The following UBQLN4 variants were observed in gnomAD, a reference collection of about 807,000 sequenced individuals.
UBQLN4 encodes the protein ubiquilin-4.
Under a neutral mutation model 60.4 loss-of-function variants are expected in UBQLN4, and 11 were observed. The ratio of observed to expected loss-of-function variants is 0.18; its 90% confidence interval spans 0.11 to 0.30. The LOEUF (loss-of-function observed/expected upper bound fraction) is 0.30, where lower values mean the gene tolerates loss of function less well. UBQLN4 is among the 10% of genes least tolerant of loss of function. UBQLN4 has a pLI of 1.00. For synonymous variants in UBQLN4, 258 were observed against 313.1 expected (o/e 0.82, Z 1.86); for missense variants, 417 against 795.5 (o/e 0.52, Z 5.72).
chr1:156,031,918 A>G (rs895418810), downstream of UBQLN4, among the ~76,000 whole-genome samples: 2 of 151,740 alleles, frequency 1.3e-5, no homozygotes, highest in Admixed American at 6.6e-5. Context: ...ATAAGTTTTG[A>G]CATATATATA....
At chr1:156,051,549 T>C (rs961884664) in intron 2 of UBQLN4, among the ~76,000 whole-genome samples, 157 bp downstream of exon 2, 1 of 152,056 alleles carries the variant, frequency 6.6e-6, no homozygotes, top group East Asian at 1.9e-4. Flanking sequence ...GAATGGTAAA[T>C]CAGGTTCCCT....
chr1:156,040,450 T>G (rs1471929824), intron 10 of UBQLN4, among the ~76,000 whole-genome samples: 1 of 145,636 alleles, frequency 6.9e-6, no homozygotes, highest in African/African-American at 2.5e-5. Context: ...CATTTTTTTT[T>G]TTTTTTTTTT....
chr1:156,044,480 G>A (rs1163080413), intron 5 of UBQLN4, among the ~76,000 whole-genome samples: 2 of 152,096 alleles, frequency 1.3e-5, no homozygotes, highest in Non-Finnish European at 2.9e-5. Flanking sequence ...TCCCCCCGGT[G>A]GCTTTCAATA....
chr1:156,040,950 T>C (rs1683546419), intron 10 of UBQLN4, among the ~76,000 whole-genome samples: 1 of 152,192 alleles, frequency 6.6e-6, no homozygotes. Flanking sequence ...GGCCTTGACT[T>C]TCCCAGGGCT....
chr1:156,047,539 G>A lies in UBQLN4; in HGVS notation c.900+962C>T, dbSNP rs370039313. ...ATTACAGGTGTCAGCCACTGCGCCT[G>A]GCCAACTTTTGCATTTTCAAACATA... On this transcript the variant is annotated intron_variant, in intron 5 of 10. Coordinates refer to ENST00000368309, the MANE Select transcript of UBQLN4 (RefSeq NM_020131.5). Among the ~76,000 whole-genome samples, 31 of 151,434 alleles carry A rather than the reference G, an allele frequency of 2.0e-4. 1 individual carries two copies. In the South Asian group the frequency reaches 6.1e-3, roughly 30 times the overall value.
chr1:156,043,672 C>T (rs1683626103), intron 6 of UBQLN4, among the ~76,000 whole-genome samples: 1 of 152,172 alleles, frequency 6.6e-6, no homozygotes, highest in Non-Finnish European at 1.5e-5. Context: ...TGCCTCTCCC[C>T]AGGTCTGCCT....
At chr1:156,044,327 G>C (rs1368822912) in intron 5 of UBQLN4, 104 bp from the exon 6 acceptor site, 1 of 1,059,810 alleles carries the variant, frequency 9.4e-7, no homozygotes, top group Non-Finnish European at 1.4e-6. Context: ...CCCCAGAAAA[G>C]GGAGAGAGAT....
In UBQLN4 at chr1:156,036,906, G is replaced by C; in HGVS notation, c.*72C>G. The C allele has an allele frequency of 1.9e-6, 3 of 1,573,978 alleles. No individual in the cohort carries two copies. Among genetic ancestry groups the C allele is most frequent in the Non-Finnish European group, 2.6e-6 (3 of 1,161,218 alleles). ...GACGGAAGGGAGGACAAGCTGCAGA[G>C]GGTAAGGATTGACAGAAGAACCGAA... On this transcript the variant is annotated 3_prime_UTR_variant, in exon 11 of 11. Coordinates refer to ENST00000368309, the MANE Select transcript of UBQLN4 (RefSeq NM_020131.5).
At chr1:156,046,417 G>C (rs1409451275) in intron 5 of UBQLN4, among the ~76,000 whole-genome samples, 5 of 151,566 alleles carry the variant, frequency 3.3e-5, no homozygotes, top group Admixed American at 3.3e-4. Context: ...AGAATCACTT[G>C]AACCCGGGAG....
At chr1:156,037,983 T>C (rs1683450940) in intron 10 of UBQLN4, among the ~76,000 whole-genome samples, 1 of 152,238 alleles carries the variant, frequency 6.6e-6, no homozygotes, top group African/African-American at 2.4e-5. Context: ...CATAGCTCAC[T>C]GCAGCCTCTA....
chr1:156,036,171 G>A lies in UBQLN4; in HGVS notation c.*807C>T. On this transcript the variant is annotated 3_prime_UTR_variant, in exon 11 of 11. Transcript: ENST00000368309. ...TCTCTAAGTCTCTTCTGCCAGCTCG[G>A]GCCTGGATTCTTCTGCCTAAAAGAG... The A allele has an allele frequency of 1.0e-6, 1 of 985,464 alleles. No homozygotes were observed. 61.0% of individuals were successfully genotyped at this position (985,464 alleles called of 1,614,324 possible).
chr1:156,042,010 A>C, intron 8 of UBQLN4, 23 bp from the exon 9 acceptor site: 1 of 1,613,802 alleles, frequency 6.2e-7, no homozygotes, highest in Admixed American at 1.7e-5. Context: ...AAGCAGAGAA[A>C]GGCATCAAGA....
At chr1:156,040,366 G>C (rs1572270761) in intron 10 of UBQLN4, among the ~76,000 whole-genome samples, 1 of 147,350 alleles carries the variant, frequency 6.8e-6, no homozygotes, top group African/African-American at 2.5e-5. Context: ...GGCAACAAGA[G>C]CAAAACTCTG....
In UBQLN4 at chr1:156,036,546, G is replaced by C. The variant is rs376553595; in HGVS notation, c.*432C>G. On this transcript the variant is annotated 3_prime_UTR_variant, in exon 11 of 11. Coordinates refer to ENST00000368309, the MANE Select transcript of UBQLN4 (RefSeq NM_020131.5). ...GGTTGGGCTAGGGGTTGGGGGGTAG[G>C]GAGAAAAAGAAGGAAGAGAGTTACC... 3.0e-6 allele frequency: 3 copies of C among 987,812 alleles called. No homozygotes were observed. The African/African-American group carries it at 5.2e-5, about 17-fold the overall frequency. The allele number at this position is 987,812 out of a possible 1,614,324, so 61.2% of individuals were successfully genotyped here. A position where few individuals can be genotyped will look rare whatever the true frequency, so the allele number is the denominator to read the frequency against.
In UBQLN4 at chr1:156,050,876, T is replaced by A. The variant is rs1194188759; in HGVS notation, c.478+234A>T. 1.3e-5 allele frequency among the ~76,000 whole-genome samples: 2 copies of A among 151,834 alleles called. No individual in the cohort carries two copies. The highest frequency in any genetic ancestry group is 2.9e-5 in the Non-Finnish European group (2 of 67,968). On this transcript the variant is annotated intron_variant, in intron 3 of 10. Transcript: ENST00000368309. The surrounding 1 kb of genome is among the most constrained non-coding windows in gnomAD (Gnocchi z 4.6). ...TTCCCTTTACCTAGGGTTCCCCACA[T>A]CCCCAACCCCATTTCTCCCCTCACT...
Position 156,048,354 on chromosome 1 carries a change from T to C in UBQLN4, c.900+147A>G. On this transcript the variant is annotated intron_variant, in intron 5 of 10. Transcript: ENST00000368309. The surrounding 1 kb of genome is among the most constrained non-coding windows in gnomAD (Gnocchi z 4.9). Reference sequence around the variant, plus strand: ...TGCCAAAATGGACCATCCCCGGATATGTACTGTTGAGAACTGCCTTCAAGC... The same window carrying C: ...TGCCAAAATGGACCATCCCCGGATACGTACTGTTGAGAACTGCCTTCAAGC... 1.2e-6 allele frequency: 1 copy of C among 849,008 alleles called. No individual in the cohort carries two copies. The highest frequency in any genetic ancestry group is 1.7e-6 in the Non-Finnish European group (1 of 576,112). The allele number at this position is 849,008 out of a possible 1,614,324, so 52.6% of individuals were successfully genotyped here. A position where few individuals can be genotyped will look rare whatever the true frequency, so the allele number is the denominator to read the frequency against.
In UBQLN4 at chr1:156,048,532, T is replaced by C; in HGVS notation, c.869A>G (p.Gln290Arg). 1.9e-6 allele frequency: 3 copies of C among 1,612,666 alleles called. No individual in the cohort carries two copies. The highest frequency in any genetic ancestry group is 1.1e-5 in the South Asian group (1 of 91,050). ...NALRRMYTDI[Q>R]EPMFSAAREQ... ...CCGGGCAGCACTGAACATGGGCTCC[T>C]GGATGTCCGTGTACATGCGGCGGAG... The change falls in exon 5 of 11, where the codon CAG becomes CGG. Residue 290 changes from glutamine (Q) to arginine (R), a missense_variant. Transcript: ENST00000368309. This position sits in a 1 kb window ranked among gnomAD's most constrained non-coding sequence, Gnocchi z 4.9.
In UBQLN4 at chr1:156,048,492, T is replaced by C; in HGVS notation, c.900+9A>G. Reference sequence around the variant, plus strand: ...CAGCCCAACCCACTACCCTGGCCCTTGATCCCACCTGTTCCCGGGCAGCAC... The same window carrying C: ...CAGCCCAACCCACTACCCTGGCCCTCGATCCCACCTGTTCCCGGGCAGCAC... On this transcript the variant is annotated intron_variant, in intron 5 of 10. Coordinates refer to ENST00000368309, the MANE Select transcript of UBQLN4 (RefSeq NM_020131.5). The surrounding 1 kb of genome is among the most constrained non-coding windows in gnomAD (Gnocchi z 4.9). 1.2e-6 allele frequency: 2 copies of C among 1,605,704 alleles called. No individual in the cohort carries two copies. The highest frequency in any genetic ancestry group is 1.7e-6 in the Non-Finnish European group (2 of 1,173,424).
Position 156,048,320 on chromosome 1 carries a change from ATT to A in UBQLN4, c.900+179_900+180del, listed in dbSNP as rs1206304260. Among the ~76,000 whole-genome samples the A allele has an allele frequency of 1.3e-5, 2 of 152,152 alleles. No homozygotes were observed. The highest frequency in any genetic ancestry group is 3.9e-4 in the East Asian group (2 of 5,190). On this transcript the variant is annotated intron_variant, in intron 5 of 10. Transcript: ENST00000368309. This position sits in a 1 kb window ranked among gnomAD's most constrained non-coding sequence, Gnocchi z 4.9. ...CACTTCCACAAGGACCTCTGCTTAT[ATT>A]TGTCCATGCCAAAATGGACCATCCC...
Sources: allele counts gnomAD v4.1 joint callset (sites outside exome capture counted in the v4.1 genomes callset), GRCh38; gene constraint gnomAD v4.1.1; non-coding constraint Gnocchi (gnomAD v3.1); transcripts MANE v1.5; gene names NCBI Gene and HGNC (gene_info 2026-07-23, HGNC 2026-07-21).